The following USH2A variants were observed in gnomAD, a reference collection of about 807,000 sequenced individuals.
USH2A encodes the protein Usher syndrome 2A (autosomal recessive, mild).
Under a neutral mutation model 538.9 loss-of-function variants are expected in USH2A, and 443 were observed. The observed-to-expected ratio is 0.82, with a 90% CI of 0.76 to 0.89. USH2A has a LOEUF of 0.89. Ranked by LOEUF, USH2A falls within the 40% of genes least tolerant of loss-of-function variation. The probability of loss-of-function intolerance (pLI) is 0.00; values close to 1 mark genes in which losing one functional copy is unlikely to be tolerated. For synonymous variants in USH2A, 2,413 were observed against 2,273.5 expected, an observed-to-expected ratio of 1.06 and a Z score of -1.75; for missense variants, 6,633 against 6,324.8, an observed-to-expected ratio of 1.05 and a Z score of -1.65.
chr1:216,359,550 C>A (rs1026183810), intron 4 of USH2A, among the ~76,000 whole-genome samples: 14 of 151,936 alleles, frequency 9.2e-5, no homozygotes, highest in African/African-American at 1.9e-4. Context: ...TATATACCTT[C>A]TTTTTTAAAA....
chr1:216,180,225 A>G (rs1209832993), intron 20 of USH2A, among the ~76,000 whole-genome samples: 1 of 152,118 alleles, frequency 6.6e-6, no homozygotes, highest in Non-Finnish European at 1.5e-5. Context: ...TAAAGTTTAA[A>G]ACGAATCTTC....
At chr1:215,727,604 A>G (rs1659865623) in intron 61 of USH2A, among the ~76,000 whole-genome samples, 1 of 152,034 alleles carries the variant, frequency 6.6e-6, no homozygotes, top group Non-Finnish European at 1.5e-5. Context: ...GGGCACCTGT[A>G]ATCCCAGCTA....
At chr1:216,135,002 G>A (rs376464657) in intron 21 of USH2A, among the ~76,000 whole-genome samples, 1 of 152,172 alleles carries the variant, frequency 6.6e-6, no homozygotes. Flanking sequence ...TCATAATCTA[G>A]CCATCAGAAT....
At chr1:216,260,838 C>T (rs753115733) in intron 11 of USH2A, among the ~76,000 whole-genome samples, 4 of 152,076 alleles carry the variant, frequency 2.6e-5, no homozygotes, top group African/African-American at 7.2e-5. Flanking sequence ...ACTGCCTCTC[C>T]CCTTTACCAC....
intron 32 of USH2A, among the ~76,000 whole-genome samples, chr1:216,007,123 A>G (rs1171913269): frequency 6.6e-6 from 1 of 151,998 alleles, no homozygotes. Flanking sequence ...CTTGTGTGCT[A>G]CCATGTAAGA....
At chr1:216,203,186 A>C (rs1339668636) in intron 16 of USH2A, among the ~76,000 whole-genome samples, 1 of 151,970 alleles carries the variant, frequency 6.6e-6, no homozygotes, top group Non-Finnish European at 1.5e-5. Context: ...CTAAAACAAC[A>C]AATAGTATTA....
At chr1:216,128,395 T>G (rs1359757495) in intron 21 of USH2A, among the ~76,000 whole-genome samples, 1 of 152,082 alleles carries the variant, frequency 6.6e-6, no homozygotes, top group African/African-American at 2.4e-5. Context: ...TGCTTTTGTT[T>G]TTGCTGCAAG....
chr1:216,341,246 T>C (rs2038071377), intron 4 of USH2A, among the ~76,000 whole-genome samples: 1 of 152,028 alleles, frequency 6.6e-6, no homozygotes, highest in African/African-American at 2.4e-5. Flanking sequence ...CCATTCACAA[T>C]TGCTACAAAG....
intron 4 of USH2A, among the ~76,000 whole-genome samples, chr1:216,347,754 T>G (rs1283335128): frequency 6.6e-6 from 1 of 152,162 alleles, no homozygotes; most frequent in Admixed American, 6.6e-5. Context: ...TATGTCGTTC[T>G]AAAACTTTTT....
intron 71 of USH2A, 99 bp from the exon 72 acceptor site, chr1:215,625,969 A>G: frequency 8.2e-7 from 1 of 1,224,462 alleles, no homozygotes. Flanking sequence ...AGTAATAAGT[A>G]TTAAAGGCTT....
chr1:215,653,897 T>G (rs187704754), intron 64 of USH2A, among the ~76,000 whole-genome samples: 14 of 152,296 alleles, frequency 9.2e-5, no homozygotes, highest in Admixed American at 4.6e-4. Context: ...AGATCCCACA[T>G]AGAAAACTTT....
chr1:215,876,633 A>G (rs1664782220), intron 43 of USH2A, among the ~76,000 whole-genome samples: 1 of 152,204 alleles, frequency 6.6e-6, no homozygotes, highest in Non-Finnish European at 1.5e-5. Flanking sequence ...TCAGGCCAGT[A>G]CACTACAATG....
intron 61 of USH2A, among the ~76,000 whole-genome samples, chr1:215,699,855 T>C (rs1014052972): frequency 6.6e-6 from 1 of 152,196 alleles, no homozygotes; most frequent in African/African-American, 2.4e-5. Context: ...TGAATAGAAA[T>C]GGTGAGAGAG....
chr1:215,917,897 A>G (rs1033349024), intron 38 of USH2A, among the ~76,000 whole-genome samples: 1 of 151,554 alleles, frequency 6.6e-6, no homozygotes, highest in South Asian at 2.1e-4. Flanking sequence ...CAGGAGATTG[A>G]GGCTGCAGTG....
chr1:216,146,872 C>T (rs1251160032), intron 21 of USH2A, among the ~76,000 whole-genome samples: 1 of 152,146 alleles, frequency 6.6e-6, no homozygotes, highest in Non-Finnish European at 1.5e-5. Flanking sequence ...AAAACCTCTT[C>T]AACTCACACC....
At chr1:215,970,822 C>A in intron 35 of USH2A, 46 bp from the exon 36 acceptor site, 2 of 1,588,180 alleles carry the variant, frequency 1.3e-6, no homozygotes, top group Non-Finnish European at 1.7e-6. Context: ...TAGACAATAG[C>A]AAAGAAGGTC....
chr1:215,790,108 G>C lies in USH2A; in HGVS notation c.10133C>G (p.Pro3378Arg), dbSNP rs1253377260. 1 of 1,613,098 alleles carries C rather than the reference G, an allele frequency of 6.2e-7. No homozygotes were observed. Among genetic ancestry groups the C allele is most frequent in the Non-Finnish European group, 8.5e-7 (1 of 1,179,860 alleles). The change falls in exon 51 of 72, where the codon CCT becomes CGT. Residue 3378 changes from proline to arginine, a missense_variant. By Grantham distance (103) the Pro-to-Arg change is moderately radical. Transcript: ENST00000307340. ...QKCCNGVGYN[P>R]LKYVCSDKIS... The stretch of plus-strand genomic sequence containing the variant: ...CTTGTCAGAGCAAACATATTTCAAA[G>C]GATTATATCCAACTCCATTACAGCA...
intron 20 of USH2A, among the ~76,000 whole-genome samples, chr1:216,183,803 T>C (rs539338379): frequency 1.1e-4 from 17 of 152,190 alleles, no homozygotes; most frequent in African/African-American, 4.1e-4. Context: ...ATTTTTCAGT[T>C]ATATTGCAAA....
intron 50 of USH2A, 56 bp downstream of exon 50, chr1:215,798,851 A>G (rs777486559): frequency 1.4e-5 from 22 of 1,602,276 alleles, no homozygotes; most frequent in Non-Finnish European, 1.6e-5. Flanking sequence ...CAAATTTCTC[A>G]CTCTCTCTGC....
Sources: allele counts gnomAD v4.1 joint callset (sites outside exome capture counted in the v4.1 genomes callset), GRCh38; gene constraint gnomAD v4.1.1; transcripts MANE v1.5; gene names NCBI Gene and HGNC (gene_info 2026-07-23, HGNC 2026-07-21).